Variants in RGS7 observed in about 807,000 individuals in gnomAD.
The protein encoded by RGS7 is regulator of G-protein signaling 7.
In RGS7, 27 loss-of-function variants were observed where a neutral mutation model predicts 81.1. That is an observed-to-expected ratio of 0.33 (90% CI 0.25 to 0.46). RGS7 has a LOEUF of 0.46. RGS7 is among the 20% of genes least tolerant of loss of function. The pLI is 1.00. For synonymous variants in RGS7, 208 were observed against 207.7 expected (o/e 1.00, Z -0.01); for missense variants, 396 against 607.4 (o/e 0.65, Z 3.66).
At chr1:241,016,643 A>G (rs1450774410) in intron 3 of RGS7, among the ~76,000 whole-genome samples, 6 of 152,172 alleles carry the variant, frequency 3.9e-5, no homozygotes. Context: ...ATCTATATCA[A>G]TTTAGGGAGA....
chr1:241,090,585 T>C (rs2063810850), intron 3 of RGS7, among the ~76,000 whole-genome samples: 1 of 152,200 alleles, frequency 6.6e-6, no homozygotes, highest in Non-Finnish European at 1.5e-5. Context: ...GAGTGAGATT[T>C]CCATTGATGT....
chr1:241,009,211 AT>A (rs1376305193), intron 3 of RGS7, among the ~76,000 whole-genome samples: 10 of 152,226 alleles, frequency 6.6e-5, no homozygotes, highest in African/African-American at 2.2e-4. Flanking sequence ...GAAAAGGGAA[AT>A]AAAACAAGCT....
chr1:241,274,156 A>C (rs1480519462), intron 2 of RGS7, among the ~76,000 whole-genome samples: 1 of 152,140 alleles, frequency 6.6e-6, no homozygotes, highest in African/African-American at 2.4e-5. Context: ...TTAAGGTTAG[A>C]GTGGAAGTGA....
At position 240,916,069 on chromosome 1, in the gene RGS7, C is replaced by T. The variant is rs1481917596; in HGVS notation, c.385+14648G>A. On this transcript the variant is annotated intron_variant, in intron 6 of 18. Coordinates refer to ENST00000440928, the MANE Select transcript of RGS7 (RefSeq NM_001364886.1). ...CTTGAGGCCAGGAGTTCAAGACCAGCCTGGCCAACATGGTGAAACCCTGTG... is the reference window on the plus strand; with the variant it reads ...CTTGAGGCCAGGAGTTCAAGACCAGTCTGGCCAACATGGTGAAACCCTGTG... Among the ~76,000 whole-genome samples the T allele has an allele frequency of 2.7e-5, 4 of 148,962 alleles. No individual in the cohort carries two copies. In the East Asian group the frequency reaches 7.9e-4, roughly 29 times the overall value.
At chr1:240,968,355 A>G (rs942148837) in intron 4 of RGS7, among the ~76,000 whole-genome samples, 3 of 152,320 alleles carry the variant, frequency 2.0e-5, no homozygotes, top group African/African-American at 7.2e-5. Flanking sequence ...AACAGCAGTT[A>G]TTACCCGAAA....
chr1:241,147,779 T>TCCA (rs1260943777), intron 2 of RGS7, among the ~76,000 whole-genome samples: 12 of 94,132 alleles, frequency 1.3e-4, no homozygotes, highest in African/African-American at 5.4e-4. Flanking sequence ...TAGATTAAGT[T>TCCA]TTATATATAT....
intron 6 of RGS7, among the ~76,000 whole-genome samples, chr1:240,875,627 G>A (rs1013365835): frequency 2.0e-5 from 3 of 152,204 alleles, no homozygotes; most frequent in South Asian, 2.1e-4. Context: ...CATAATGGCC[G>A]TACTAATTTA....
At chr1:241,041,308 C>A (rs1028535694) in intron 3 of RGS7, among the ~76,000 whole-genome samples, 2 of 146,922 alleles carry the variant, frequency 1.4e-5, no homozygotes, top group African/African-American at 2.5e-5. Context: ...TCATTCTAAT[C>A]ATTTCAAAAT....
intron 2 of RGS7, among the ~76,000 whole-genome samples, chr1:241,159,060 CCATAAACTT>C (rs2069412311): frequency 1.3e-5 from 2 of 152,092 alleles, no homozygotes; most frequent in African/African-American, 4.8e-5. Context: ...TTCACAAGCT[CCATAAACTT>C]CACAAACTCC....
At chr1:241,167,305 C>T (rs1395799553) in intron 2 of RGS7, among the ~76,000 whole-genome samples, 1 of 152,138 alleles carries the variant, frequency 6.6e-6, no homozygotes, top group African/African-American at 2.4e-5. Context: ...TGTTGGATTT[C>T]CTCCAGTATT....
chr1:240,970,771 G>A lies in RGS7; in HGVS notation c.226+12308C>T, dbSNP rs569403515. On this transcript the variant is annotated intron_variant, in intron 4 of 18. Transcript: ENST00000440928. ...AGGCCATGGCAGGTGGATTACTCGA[G>A]ATCAGGAGTTCAAGACCAGCCTGGC... is the stretch of plus-strand genomic sequence containing the variant. 5.1e-4 allele frequency among the ~76,000 whole-genome samples: 77 copies of A among 152,220 alleles called. 3 individuals are homozygous for A. Among genetic ancestry groups the A allele is most frequent in the African/African-American group, 1.7e-3 (72 of 41,534 alleles).
chr1:241,009,270 A>G (rs892277010), intron 3 of RGS7, among the ~76,000 whole-genome samples: 1 of 152,236 alleles, frequency 6.6e-6, no homozygotes, highest in Non-Finnish European at 1.5e-5. Context: ...TGTATGGAAA[A>G]TATTATAATC....
chr1:241,045,039 C>A (rs1235863109), intron 3 of RGS7, among the ~76,000 whole-genome samples: 1 of 152,146 alleles, frequency 6.6e-6, no homozygotes, highest in Non-Finnish European at 1.5e-5. Flanking sequence ...TCCATGATGG[C>A]AATTACTTTC....
chr1:241,333,242 A>G (rs2082068287), intron 2 of RGS7, among the ~76,000 whole-genome samples: 1 of 152,114 alleles, frequency 6.6e-6, no homozygotes, highest in Non-Finnish European at 1.5e-5. Context: ...CTGCTAGACT[A>G]CTGGTTTTGA....
intron 6 of RGS7, among the ~76,000 whole-genome samples, chr1:240,870,599 C>T (rs1013415039): frequency 3.9e-5 from 6 of 152,194 alleles, no homozygotes; most frequent in South Asian, 2.1e-4. Flanking sequence ...CCTTCCACCT[C>T]GGCCTCTCAA....
At chr1:240,802,533 G>A (rs190067558) in intron 16 of RGS7, among the ~76,000 whole-genome samples, 1 of 152,192 alleles carries the variant, frequency 6.6e-6, no homozygotes, top group Non-Finnish European at 1.5e-5. Context: ...ATACATTCTA[G>A]CTTACTAAAC....
intron 2 of RGS7, among the ~76,000 whole-genome samples, chr1:241,133,291 C>A (rs1207232347): frequency 6.7e-6 from 1 of 149,930 alleles, no homozygotes. Flanking sequence ...ATTTGATAAA[C>A]CACAGAGAAA....
In RGS7 at chr1:240,975,921, T is replaced by C. The variant is rs559757675; in HGVS notation, c.226+7158A>G. 1.4e-3 allele frequency among the ~76,000 whole-genome samples: 218 copies of C among 152,194 alleles called. 1 individual carries two copies. Among genetic ancestry groups the C allele is most frequent in the Admixed American group, 5.2e-3 (80 of 15,298 alleles). On this transcript the variant is annotated intron_variant, in intron 4 of 18. Transcript: ENST00000440928. Reference sequence around the variant, plus strand: ...CACAGTCCTGCGTCTGTGCATTGTATAGTCCTTCCTTACAGTGGCTTTGGA... The same window carrying C: ...CACAGTCCTGCGTCTGTGCATTGTACAGTCCTTCCTTACAGTGGCTTTGGA...
At chr1:240,939,632 A>C (rs1475148756) in intron 4 of RGS7, among the ~76,000 whole-genome samples, 11 of 152,166 alleles carry the variant, frequency 7.2e-5, no homozygotes. Context: ...CACTGGATGA[A>C]TTGTAGTTTC....
Sources: allele counts gnomAD v4.1 joint callset (sites outside exome capture counted in the v4.1 genomes callset), GRCh38; gene constraint gnomAD v4.1.1; transcripts MANE v1.5; gene names NCBI Gene and HGNC (gene_info 2026-07-23, HGNC 2026-07-21).